KIF26B: variants seen among roughly 807,000 people sequenced by gnomAD.
The protein encoded by KIF26B is kinesin-like protein KIF26B.
A neutral mutation model predicts 151.2 loss-of-function variants in KIF26B; 63 were observed. The observed-to-expected ratio is 0.42, with a 90% confidence interval of 0.34 to 0.51. KIF26B has a LOEUF of 0.51. Ranked by LOEUF, KIF26B falls within the 20% of genes least tolerant of loss-of-function variation. The probability of loss-of-function intolerance (pLI) is 0.07; values close to 1 mark genes in which losing one functional copy is unlikely to be tolerated. For synonymous variants in KIF26B, 1,357 were observed against 1,262.1 expected, an observed-to-expected ratio of 1.08 and a Z score of -1.59; for missense variants, 2,813 against 2,913.6, an observed-to-expected ratio of 0.97 and a Z score of 0.79.
At chr1:245,193,102 C>T (rs1209504757) in intron 2 of KIF26B, among the ~76,000 whole-genome samples, 2 of 152,190 alleles carry the variant, frequency 1.3e-5, no homozygotes, top group East Asian at 3.8e-4. Context: ...TCCATGTGTG[C>T]TCATTGTTTA....
chr1:245,269,503 C>T (rs1670810812), intron 2 of KIF26B, among the ~76,000 whole-genome samples: 6 of 151,896 alleles, frequency 4.0e-5, no homozygotes, highest in Middle Eastern at 6.8e-3. Context: ...TTAGCTCTGT[C>T]GCCCAGGCTG....
intron 2 of KIF26B, among the ~76,000 whole-genome samples, chr1:245,280,596 C>CT (rs1671027030): frequency 1.5e-5 from 1 of 64,570 alleles, no homozygotes. Context: ...GGGAAGTTTT[C>CT]GTTTTTTTTT....
At chr1:245,379,885 C>T (rs888889300) in intron 3 of KIF26B, among the ~76,000 whole-genome samples, 2 of 151,312 alleles carry the variant, frequency 1.3e-5, no homozygotes, top group Non-Finnish European at 2.9e-5. Flanking sequence ...GCAGGAGAAT[C>T]GCTTGAACCC....
rs948060865 is a variant in KIF26B at position 245,170,178 on chromosome 1, G to A, written c.465+13495G>A. On this transcript the variant is annotated intron_variant, in intron 2 of 14. Coordinates refer to ENST00000407071, the MANE Select transcript of KIF26B (RefSeq NM_018012.4). The surrounding 1 kb of genome is among the most constrained non-coding windows in gnomAD (Gnocchi z 4.4). The stretch of plus-strand genomic sequence containing the variant: ...GCCTGGGTGAGTCCTGGAAAGTGCC[G>A]TGATGCCATCCCACTGACATGGCCT... Among the ~76,000 whole-genome samples the A allele has an allele frequency of 1.1e-4, 17 of 152,172 alleles. No individual in the cohort carries two copies. Among genetic ancestry groups the A allele is most frequent in the African/African-American group, 4.1e-4 (17 of 41,430 alleles).
chr1:245,351,385 A>C (rs533855318), intron 2 of KIF26B, among the ~76,000 whole-genome samples: 43 of 152,306 alleles, frequency 2.8e-4, no homozygotes, highest in African/African-American at 9.6e-4. Context: ...CACGTGTTAA[A>C]CATAGGGAAA....
chr1:245,269,764 C>CT (rs139324073), intron 2 of KIF26B, among the ~76,000 whole-genome samples: 4,015 of 152,054 alleles, frequency 0.026, 69 homozygotes, highest in African/African-American at 0.036. Flanking sequence ...CACCTGCCCC[C>CT]ACCCCCTGCC....
intron 3 of KIF26B, among the ~76,000 whole-genome samples, chr1:245,382,979 A>G (rs1380992677): frequency 6.7e-6 from 1 of 148,724 alleles, no homozygotes; most frequent in Non-Finnish European, 1.5e-5. Flanking sequence ...TATATAAATT[A>G]TTTTTAGTGA....
In KIF26B at chr1:245,155,326, G is replaced by A; in HGVS notation, c.-99G>A. On this transcript the variant is annotated 5_prime_UTR_variant, in exon 1 of 15. Coordinates refer to ENST00000407071, the MANE Select transcript of KIF26B (RefSeq NM_018012.4). ...GAAGAAACCTTGCCCTGAGGGCTGA[G>A]AGCCAGCCCCCTGCAGCCGGGGGAC... 1.0e-6 allele frequency: 1 copy of A among 989,274 alleles called. No individual in the cohort carries two copies. The highest frequency in any genetic ancestry group is 1.6e-6 in the Non-Finnish European group (1 of 641,414). The allele number at this position is 989,274 out of a possible 1,614,324, so 61.3% of individuals were successfully genotyped here. A position where few individuals can be genotyped will look rare whatever the true frequency, so the allele number is the denominator to read the frequency against.
chr1:245,671,913 G>A lies in KIF26B; in HGVS notation c.2259-12320G>A, dbSNP rs768856000. Reference sequence around the variant, plus strand: ...CAGGGCGTAGTGAATAGAGGGGTGCGTGCCCCGAGCCTGCAGAGCGGGCAG... The same window carrying A: ...CAGGGCGTAGTGAATAGAGGGGTGCATGCCCCGAGCCTGCAGAGCGGGCAG... On this transcript the variant is annotated intron_variant, in intron 10 of 14. Coordinates refer to ENST00000407071, the MANE Select transcript of KIF26B (RefSeq NM_018012.4). Among the ~76,000 whole-genome samples the A allele has an allele frequency of 3.0e-4, 46 of 152,204 alleles. 1 individual carries two copies. The highest frequency in any genetic ancestry group is 4.0e-4 in the Non-Finnish European group (27 of 68,030).
intron 4 of KIF26B, among the ~76,000 whole-genome samples, chr1:245,426,073 T>A (rs1658642002): frequency 6.6e-6 from 1 of 152,230 alleles, no homozygotes; most frequent in South Asian, 2.1e-4. Context: ...CATTCTGTTA[T>A]CTCAGGTTCT....
intron 3 of KIF26B, among the ~76,000 whole-genome samples, chr1:245,397,753 G>A (rs1673882919): frequency 6.6e-6 from 1 of 152,208 alleles, no homozygotes; most frequent in African/African-American, 2.4e-5. Context: ...GTCTTCAAAT[G>A]TTTGAGACAC....
chr1:245,642,343 CA>C (rs1321427238), intron 9 of KIF26B, among the ~76,000 whole-genome samples: 1 of 152,068 alleles, frequency 6.6e-6, no homozygotes, highest in Non-Finnish European at 1.5e-5. Context: ...AGTCTCTGCA[CA>C]AGTGGAGTAG....
intron 4 of KIF26B, among the ~76,000 whole-genome samples, chr1:245,427,128 CCCT>C (rs1394112759): frequency 6.6e-6 from 1 of 152,172 alleles, no homozygotes; most frequent in Non-Finnish European, 1.5e-5. Context: ...AGAAAAACTA[CCCT>C]AAACATACCA....
At chr1:245,374,131 A>G (rs1307606576) in intron 3 of KIF26B, among the ~76,000 whole-genome samples, 1 of 101,530 alleles carries the variant, frequency 9.8e-6, no homozygotes. Flanking sequence ...ATATATATAT[A>G]TATATATGGG....
chr1:245,630,874 CCTT>C (rs2043774092), intron 9 of KIF26B, among the ~76,000 whole-genome samples: 1 of 152,038 alleles, frequency 6.6e-6, no homozygotes. Flanking sequence ...TATTTCACCT[CCTT>C]ACATTTATTC....
intron 2 of KIF26B, among the ~76,000 whole-genome samples, chr1:245,194,970 G>C (rs938056147): frequency 1.3e-5 from 2 of 152,102 alleles, no homozygotes; most frequent in Non-Finnish European, 2.9e-5. Flanking sequence ...AGGCTCCAAG[G>C]CATTTAGCTT....
At chr1:245,372,560 G>C (rs1173842) in intron 3 of KIF26B, among the ~76,000 whole-genome samples, 1 of 151,836 alleles carries the variant, frequency 6.6e-6, no homozygotes, top group East Asian at 1.9e-4. Flanking sequence ...ATTGTTCCTC[G>C]TCTTTGTAGC....
At chr1:245,610,413 C>G (rs190030456) in intron 8 of KIF26B, among the ~76,000 whole-genome samples, 3 of 152,176 alleles carry the variant, frequency 2.0e-5, no homozygotes, top group Admixed American at 6.5e-5. Flanking sequence ...GGCACCCCCC[C>G]AGAGTTTCCA....
chr1:245,582,610 AG>A (rs1281973161), intron 5 of KIF26B, among the ~76,000 whole-genome samples: 3 of 152,176 alleles, frequency 2.0e-5, no homozygotes, highest in Non-Finnish European at 1.5e-5. Flanking sequence ...TATATGCAAT[AG>A]GCTGGGCTTG....
Sources: allele counts gnomAD v4.1 joint callset (sites outside exome capture counted in the v4.1 genomes callset), GRCh38; gene constraint gnomAD v4.1.1; non-coding constraint Gnocchi (gnomAD v3.1); transcripts MANE v1.5; gene names NCBI Gene and HGNC (gene_info 2026-07-23, HGNC 2026-07-21).